The following KCNH7 variants were observed in gnomAD, a reference collection of about 807,000 sequenced individuals.
The protein encoded by KCNH7 is voltage-gated inwardly rectifying potassium channel KCNH7.
A neutral mutation model predicts 120.8 loss-of-function variants in KCNH7; 49 were observed. The observed-to-expected ratio is 0.41, with a 90% confidence interval of 0.32 to 0.51. The LOEUF is 0.51. KCNH7 is among the 20% of genes least tolerant of loss of function. The pLI, the probability that KCNH7 is intolerant of heterozygous loss-of-function variation, is 0.38. For missense variants in KCNH7, 1,097 were observed against 1,446.6 expected (o/e 0.76, Z 3.92); for synonymous variants, 547 against 516.1 (o/e 1.06, Z -0.81).
intron 2 of KCNH7, among the ~76,000 whole-genome samples, chr2:162,689,071 A>T (rs111266000): frequency 0.011 from 1,630 of 152,156 alleles, 25 homozygotes; most frequent in African/African-American, 0.037. Flanking sequence ...TTCAATAAAT[A>T]GTATCTATTA....
intron 2 of KCNH7, among the ~76,000 whole-genome samples, chr2:162,622,662 G>C (rs1285105070): frequency 6.6e-6 from 1 of 152,066 alleles, no homozygotes; most frequent in Non-Finnish European, 1.5e-5. Flanking sequence ...GTCGTGAAAT[G>C]CAATGATAAA....
At chr2:162,565,709 G>A (rs571649562) in intron 2 of KCNH7, among the ~76,000 whole-genome samples, 3 of 151,910 alleles carry the variant, frequency 2.0e-5, no homozygotes, top group East Asian at 3.9e-4. Context: ...TTATTTATAC[G>A]GTTTATTGAT....
At chr2:162,803,002 C>T (rs1684403515) in intron 2 of KCNH7, among the ~76,000 whole-genome samples, 1 of 151,654 alleles carries the variant, frequency 6.6e-6, no homozygotes. Context: ...CAAAAGGCAG[C>T]CCAACTCTAT....
intron 2 of KCNH7, among the ~76,000 whole-genome samples, chr2:162,640,463 C>G (rs1178186031): frequency 6.6e-6 from 1 of 151,504 alleles, no homozygotes; most frequent in African/African-American, 2.4e-5. Context: ...ACCTTTTTCA[C>G]CAAATGAAGT....
At chr2:162,599,105 A>T (rs1196791003) in intron 2 of KCNH7, among the ~76,000 whole-genome samples, 2 of 151,810 alleles carry the variant, frequency 1.3e-5, no homozygotes, top group Non-Finnish European at 2.9e-5. Context: ...AAAATACAAA[A>T]ATTAGCTGGA....
chr2:162,707,528 T>C (rs780852973), intron 2 of KCNH7, among the ~76,000 whole-genome samples: 1 of 152,124 alleles, frequency 6.6e-6, no homozygotes, highest in Non-Finnish European at 1.5e-5. Context: ...TTTAATTATG[T>C]TAAAGAAATA....
chr2:162,686,776 C>G (rs1217560696), intron 2 of KCNH7, among the ~76,000 whole-genome samples: 1 of 152,090 alleles, frequency 6.6e-6, no homozygotes, highest in Non-Finnish European at 1.5e-5. Context: ...GTTTCACAGA[C>G]AAACCTACCA....
chr2:162,393,536 G>T (rs1019845552), intron 12 of KCNH7, among the ~76,000 whole-genome samples: 1 of 151,882 alleles, frequency 6.6e-6, no homozygotes, highest in African/African-American at 2.4e-5. Flanking sequence ...GTTCATGAAG[G>T]TAGGAGGAAA....
intron 2 of KCNH7, among the ~76,000 whole-genome samples, chr2:162,546,417 C>T (rs1313874063): frequency 1.3e-5 from 2 of 152,068 alleles, no homozygotes; most frequent in Admixed American, 6.6e-5. Context: ...GCAGGCCCAC[C>T]CACTAAACTG....
At chr2:162,781,351 T>C (rs923627036) in intron 2 of KCNH7, among the ~76,000 whole-genome samples, 6 of 152,100 alleles carry the variant, frequency 3.9e-5, no homozygotes, top group Non-Finnish European at 7.4e-5. Flanking sequence ...CAGGCTGCAG[T>C]AAGCAATAAG....
At position 162,518,067 on chromosome 2, in the gene KCNH7, G is replaced by T; in HGVS notation, c.555C>A (p.Ile185=). Reference sequence around the variant, plus strand: ...AATCATCACTGTGTTTAGATGAATCGATGACCACCACATCGGGGTCTTCTT... The same window carrying T: ...AATCATCACTGTGTTTAGATGAATCTATGACCACCACATCGGGGTCTTCTT... The part of the protein sequence containing the change: ...LPQEDPDVVV[I]DSSKHSDDSV... Residue 185 remains isoleucine, a synonymous_variant, in exon 4 of 16, where the codon ATC becomes ATA. Coordinates refer to ENST00000332142, the MANE Select transcript of KCNH7 (RefSeq NM_033272.4). 6.2e-7 allele frequency: 1 copy of T among 1,612,122 alleles called. No homozygotes were observed. Among genetic ancestry groups the T allele is most frequent in the Non-Finnish European group, 8.5e-7 (1 of 1,178,678 alleles).
At chr2:162,525,162 G>T (rs546749056) in intron 3 of KCNH7, among the ~76,000 whole-genome samples, 61 of 152,016 alleles carry the variant, frequency 4.0e-4, no homozygotes, top group Non-Finnish European at 8.4e-4. Context: ...ATTTCCTAGG[G>T]TATTAGATAC....
intron 2 of KCNH7, among the ~76,000 whole-genome samples, chr2:162,763,432 C>T (rs961788328): frequency 6.6e-6 from 1 of 152,112 alleles, no homozygotes; most frequent in South Asian, 2.1e-4. Context: ...TTGACTTTCA[C>T]TATCTGAAAC....
intron 2 of KCNH7, among the ~76,000 whole-genome samples, chr2:162,669,501 G>T (rs976469239): frequency 2.0e-5 from 3 of 152,100 alleles, no homozygotes; most frequent in African/African-American, 7.2e-5. Context: ...CTTCGGAAAG[G>T]TTTCTATTTT....
At chr2:162,393,389 A>G (rs1276392879) in intron 12 of KCNH7, among the ~76,000 whole-genome samples, 2 of 151,972 alleles carry the variant, frequency 1.3e-5, no homozygotes. Context: ...TACTTAAATG[A>G]TGGGCATAAA....
intron 2 of KCNH7, among the ~76,000 whole-genome samples, chr2:162,775,495 C>T (rs765638406): frequency 2.0e-4 from 31 of 151,640 alleles, no homozygotes; most frequent in African/African-American, 6.8e-4. Context: ...AAAAGAGTAG[C>T]CATCACATTT....
chr2:162,668,079 T>G (rs896146892), intron 2 of KCNH7, among the ~76,000 whole-genome samples: 3 of 152,218 alleles, frequency 2.0e-5, no homozygotes, highest in African/African-American at 4.8e-5. Context: ...TCAAAATAAC[T>G]AAAAGCTCTT....
At chr2:162,476,528 C>A (rs570163831) in intron 6 of KCNH7, among the ~76,000 whole-genome samples, 2 of 152,232 alleles carry the variant, frequency 1.3e-5, no homozygotes, top group South Asian at 4.1e-4. Context: ...GAATCTGAAA[C>A]TAATGAAATT....
chr2:162,571,115 T>A (rs1289581771), intron 2 of KCNH7, among the ~76,000 whole-genome samples: 1 of 151,750 alleles, frequency 6.6e-6, no homozygotes, highest in Non-Finnish European at 1.5e-5. Flanking sequence ...TGTCCCTGTT[T>A]GCAGATGACA....
Sources: gnomAD v4.1 joint callset for allele counts (sites outside exome capture counted in the v4.1 genomes callset) on GRCh38, gnomAD v4.1.1 for gene constraint, MANE v1.5 for transcripts, NCBI Gene and HGNC (gene_info 2026-07-23, HGNC 2026-07-21) for gene names.